The following TMTC2 variants were observed in gnomAD, a reference collection of about 807,000 sequenced individuals.
TMTC2 encodes protein O-mannosyl-transferase TMTC2.
A neutral mutation model predicts 82.4 loss-of-function variants in TMTC2; 43 were observed. That is an observed-to-expected ratio of 0.52 (90% CI 0.41 to 0.67). TMTC2 has a LOEUF of 0.67. Among genes scored for constraint, TMTC2 ranks in the 30% least tolerant of loss-of-function variants. The probability of loss-of-function intolerance (pLI) is 0.00; values close to 1 mark genes in which losing one functional copy is unlikely to be tolerated. For missense variants in TMTC2, 919 were observed against 1,012.4 expected (o/e 0.91, Z 1.25); for synonymous variants, 408 against 381.9 (o/e 1.07, Z -0.80).
At chr12:82,893,472 G>A (rs1431641850) in intron 2 of TMTC2, among the ~76,000 whole-genome samples, 1 of 151,938 alleles carries the variant, frequency 6.6e-6, no homozygotes, top group Non-Finnish European at 1.5e-5. Context: ...ACAGCATTAT[G>A]TGAATTAATC....
intron 1 of TMTC2, among the ~76,000 whole-genome samples, chr12:82,848,399 A>G (rs1338377415): frequency 6.6e-6 from 1 of 152,086 alleles, no homozygotes; most frequent in Non-Finnish European, 1.5e-5. Context: ...GACATTGGGC[A>G]TCTGTTTTGT....
chr12:83,107,009 A>G, intron 11 of TMTC2, among the ~76,000 whole-genome samples: 1 of 152,228 alleles, frequency 6.6e-6, no homozygotes, highest in East Asian at 1.9e-4. Context: ...GTGTAATCTG[A>G]TGACAGGGAT....
At chr12:83,043,078 G>A (rs1170449881) in intron 9 of TMTC2, among the ~76,000 whole-genome samples, 3 of 152,300 alleles carry the variant, frequency 2.0e-5, no homozygotes, top group South Asian at 2.1e-4. Context: ...GCAACAAAAC[G>A]AATAAAGGGA....
intron 1 of TMTC2, among the ~76,000 whole-genome samples, chr12:82,842,872 G>A (rs1042153961): frequency 6.6e-6 from 1 of 152,042 alleles, no homozygotes; most frequent in Non-Finnish European, 1.5e-5. Context: ...GGACCCACCC[G>A]AAATGCCTCA....
At chr12:82,777,314 A>G (rs1016119961) in intron 1 of TMTC2, among the ~76,000 whole-genome samples, 4 of 152,170 alleles carry the variant, frequency 2.6e-5, no homozygotes, top group South Asian at 2.1e-4. Flanking sequence ...ATTGCAATCA[A>G]TATAGAACTG....
At chr12:82,832,946 A>G (rs964316743) in intron 1 of TMTC2, among the ~76,000 whole-genome samples, 1 of 152,178 alleles carries the variant, frequency 6.6e-6, no homozygotes, top group Non-Finnish European at 1.5e-5. Flanking sequence ...AACTTAGGCC[A>G]TGCCCATGGA....
chr12:83,034,255 TATG>T (rs958538283), intron 9 of TMTC2, among the ~76,000 whole-genome samples: 3 of 152,096 alleles, frequency 2.0e-5, no homozygotes, highest in African/African-American at 7.2e-5. Context: ...TCTTTGAGAA[TATG>T]ATATTTGAAA....
intron 3 of TMTC2, among the ~76,000 whole-genome samples, chr12:82,924,739 C>T (rs1004509738): frequency 3.3e-5 from 5 of 152,238 alleles, no homozygotes; most frequent in South Asian, 2.1e-4. Context: ...TCTAGATTAC[C>T]GCAGTTGCCT....
intron 4 of TMTC2, among the ~76,000 whole-genome samples, chr12:82,933,564 A>G (rs1018650489): frequency 2.0e-5 from 3 of 152,108 alleles, no homozygotes; most frequent in Non-Finnish European, 4.4e-5. Flanking sequence ...ACGTGATAAT[A>G]CCCCTTTGAG....
chr12:83,134,390 T>G lies in TMTC2; in HGVS notation c.*2001T>G, dbSNP rs147880991. On this transcript the variant is annotated 3_prime_UTR_variant, in exon 12 of 12. Transcript: ENST00000321196. The stretch of plus-strand genomic sequence containing the variant: ...TTATTGACCTATGATGACTTTCTAG[T>G]CTTAACATTTTATCTTTTTATTGTT... 6.6e-6 allele frequency: 1 copy of G among 152,316 alleles called. No individual in the cohort carries two copies. The highest frequency in any genetic ancestry group is 1.5e-5 in the Non-Finnish European group (1 of 68,034). 9.4% of individuals were successfully genotyped at this position (152,316 alleles called of 1,614,324 possible).
At chr12:82,917,656 C>T (rs1054354291) in intron 3 of TMTC2, among the ~76,000 whole-genome samples, 2 of 151,944 alleles carry the variant, frequency 1.3e-5, no homozygotes, top group African/African-American at 4.8e-5. Context: ...GGCTGGAGTG[C>T]AGTGGTACCA....
rs564556471 is a variant in TMTC2, at chr12:82,910,670, G to A, written c.1483+14024G>A. On this transcript the variant is annotated intron_variant, in intron 3 of 11. Transcript: ENST00000321196. ...GCAGACGGAGGGCCAGAAGGGAGAT[G>A]GATTTCCCATGGAGTCCGGCTGCTC... Among the ~76,000 whole-genome samples, 10 of 152,302 alleles carry A rather than the reference G, an allele frequency of 6.6e-5. No homozygotes were observed. In the East Asian group the frequency reaches 1.9e-3, roughly 29 times the overall value.
intron 1 of TMTC2, among the ~76,000 whole-genome samples, chr12:82,792,478 GTTTA>G (rs1565752279): frequency 6.6e-6 from 1 of 151,706 alleles, no homozygotes; most frequent in African/African-American, 2.4e-5. Flanking sequence ...TTGTTTGTTT[GTTTA>G]AATTGACAGA....
chr12:82,985,580 A>T (rs1879119791), intron 7 of TMTC2, among the ~76,000 whole-genome samples: 1 of 152,198 alleles, frequency 6.6e-6, no homozygotes, highest in Non-Finnish European at 1.5e-5. Flanking sequence ...TGAATAAAAA[A>T]GAACAAAAGA....
At chr12:82,996,496 G>A (rs2137357769) in intron 8 of TMTC2, among the ~76,000 whole-genome samples, 1 of 152,284 alleles carries the variant, frequency 6.6e-6, no homozygotes, top group South Asian at 2.1e-4. Flanking sequence ...CATAATTGAG[G>A]CTCTTTGTCA....
Position 82,950,485 on chromosome 12 carries a change from G to A in TMTC2, c.1599-14539G>A, listed in dbSNP as rs755560606. Among the ~76,000 whole-genome samples the A allele has an allele frequency of 2.0e-4, 30 of 152,256 alleles. No individual in the cohort carries two copies. In the South Asian group the frequency reaches 4.1e-3, roughly 21 times the overall value. On this transcript the variant is annotated intron_variant, in intron 4 of 11. Coordinates refer to ENST00000321196, the MANE Select transcript of TMTC2 (RefSeq NM_152588.3). ...ATCCTAGATCCAACAATAACAACTA[G>A]CTGCATAGACTTAAGTTGCTTAACC... is the stretch of plus-strand genomic sequence containing the variant.
intron 1 of TMTC2, among the ~76,000 whole-genome samples, chr12:82,802,245 G>C (rs968817063): frequency 6.6e-6 from 1 of 152,290 alleles, no homozygotes; most frequent in South Asian, 2.1e-4. Flanking sequence ...TGCTGGGGGC[G>C]GCAGGGCCCG....
At chr12:83,047,232 T>G (rs1882177856) in intron 9 of TMTC2, among the ~76,000 whole-genome samples, 1 of 152,140 alleles carries the variant, frequency 6.6e-6, no homozygotes, top group South Asian at 2.1e-4. Context: ...AGAGGGGTGA[T>G]GTGAGGTAAA....
At chr12:82,730,589 ACT>A (rs1874743555) in intron 1 of TMTC2, among the ~76,000 whole-genome samples, 1 of 152,200 alleles carries the variant, frequency 6.6e-6, no homozygotes, top group Non-Finnish European at 1.5e-5. Context: ...AGAGATTAGC[ACT>A]TTTAGCACAC....
Sources: gnomAD v4.1 joint callset for allele counts (sites outside exome capture counted in the v4.1 genomes callset) on GRCh38, gnomAD v4.1.1 for gene constraint, MANE v1.5 for transcripts, NCBI Gene and HGNC (gene_info 2026-07-23, HGNC 2026-07-21) for gene names.